SNX14: variants seen among roughly 807,000 people sequenced by gnomAD.
SNX14 encodes sorting nexin 14, also known as sorting nexin-14.
In SNX14, 93 loss-of-function variants were observed where a neutral mutation model predicts 133.8. The ratio of observed to expected loss-of-function variants is 0.70; its 90% CI spans 0.59 to 0.83. The LOEUF is 0.83. SNX14 is among the 40% of genes least tolerant of loss of function. SNX14 has a pLI of 0.00. For synonymous variants in SNX14, 368 were observed against 365.6 expected (o/e 1.01, Z -0.07); for missense variants, 945 against 1,094.9 (o/e 0.86, Z 1.93).
rs1195891528 is a variant in SNX14 at position 85,543,758 on chromosome 6, C to T, written c.1111G>A (p.Glu371Lys). Residue 371 changes from glutamate (E) to lysine (K), a missense_variant and splice_region_variant, in exon 13 of 29, where the codon GAA becomes AAA. By Grantham distance (56) the Glu-to-Lys change is moderately conservative (BLOSUM62 1). Transcript: ENST00000314673. The part of the protein sequence containing the change: ...HVLQFCLTVE[E>K]FNDRILRPEL... ...GGTCGTAAAATTCTATCATTAAATTCCTCTAACAAATGAGGGAATGAATAA... is the reference window on the plus strand; with the variant it reads ...GGTCGTAAAATTCTATCATTAAATTTCTCTAACAAATGAGGGAATGAATAA... The T allele has an allele frequency of 1.2e-5, 19 of 1,528,164 alleles. No homozygotes were observed. The highest frequency in any genetic ancestry group is 1.7e-5 in the Non-Finnish European group (19 of 1,134,584). The allele number at this position is 1,528,164 out of a possible 1,614,324, so 94.7% of individuals were successfully genotyped here. A position where few individuals can be genotyped will look rare whatever the true frequency, so the allele number is the denominator to read the frequency against.
intron 1 of SNX14, among the ~76,000 whole-genome samples, chr6:85,574,802 A>G (rs1796794893): frequency 6.6e-6 from 1 of 151,680 alleles, no homozygotes; most frequent in African/African-American, 2.4e-5. Context: ...CATAGTCTCT[A>G]CCTGCATGGA....
intron 1 of SNX14, among the ~76,000 whole-genome samples, chr6:85,578,708 C>T (rs949223201): frequency 6.6e-5 from 10 of 152,124 alleles, no homozygotes; most frequent in Admixed American, 1.3e-4. Context: ...AGAAAGTAAA[C>T]TAACAACAGA....
At chr6:85,519,079 T>TC (rs2127864401) in intron 21 of SNX14, among the ~76,000 whole-genome samples, 1 of 152,312 alleles carries the variant, frequency 6.6e-6, no homozygotes, top group South Asian at 2.1e-4. Flanking sequence ...GAAACTTGGA[T>TC]CATCCCTGAT....
At chr6:85,517,316 G>A (rs1249962537) in intron 23 of SNX14, among the ~76,000 whole-genome samples, 11 of 152,234 alleles carry the variant, frequency 7.2e-5, no homozygotes, top group Non-Finnish European at 1.3e-4. Flanking sequence ...GACAAGGAAT[G>A]TATCCTTATA....
At chr6:85,577,488 C>G (rs1024955547) in intron 1 of SNX14, among the ~76,000 whole-genome samples, 1 of 151,992 alleles carries the variant, frequency 6.6e-6, no homozygotes, top group African/African-American at 2.4e-5. Flanking sequence ...TGTTAAGTTT[C>G]AGATATTTTA....
chr6:85,540,247 C>A (rs1194173043), intron 15 of SNX14, among the ~76,000 whole-genome samples: 1 of 152,200 alleles, frequency 6.6e-6, no homozygotes, highest in Non-Finnish European at 1.5e-5. Flanking sequence ...CAGGCGTGAG[C>A]CATCACGCCC....
rs544346545 is a variant in SNX14 at position 85,543,189 on chromosome 6, C to T, written c.1382G>A (p.Ser461Asn). Residue 461 changes from serine (S) to asparagine (N), a missense_variant, in exon 14 of 29, where the codon AGT becomes AAT. Transcript: ENST00000314673. ...ENVFTPMFCH[S>N]DEYFRQLLRG... The stretch of plus-strand genomic sequence containing the variant: ...GTTAATATTTTGACTTACCTCATCA[C>T]TATGGCAGAACATAGGAGTAAATAC... The T allele has an allele frequency of 1.9e-6, 3 of 1,547,406 alleles. No homozygotes were observed. The highest frequency in any genetic ancestry group is 2.5e-5 in the South Asian group (2 of 79,142).
intron 1 of SNX14, among the ~76,000 whole-genome samples, chr6:85,580,427 A>G (rs1798679520): frequency 6.6e-6 from 1 of 152,140 alleles, no homozygotes; most frequent in Admixed American, 6.5e-5. Flanking sequence ...TGATGGCTAC[A>G]AAGAGAGACT....
At chr6:85,508,307 A>T in intron 26 of SNX14, 2 of 1,065,160 alleles carry the variant, frequency 1.9e-6, no homozygotes, top group Non-Finnish European at 1.1e-6. Context: ...GCAAACTCTG[A>T]GAAATGCTGC....
chr6:85,572,421 A>T lies in SNX14; in HGVS notation c.262-47T>A, dbSNP rs768743866. ...TGGTGGGGAGATCCATCTTTACATA[A>T]CATCTTTATTTAAAAGAATCAACTT... On this transcript the variant is annotated intron_variant, in intron 2 of 28. Transcript: ENST00000314673. The T allele has an allele frequency of 5.1e-6, 7 of 1,359,622 alleles. No homozygotes were observed. In the East Asian group the frequency reaches 6.9e-5, roughly 13 times the overall value. 84.2% of individuals were successfully genotyped at this position (1,359,622 alleles called of 1,614,324 possible). A position where few individuals can be genotyped will look rare whatever the true frequency, so the allele number is the denominator to read the frequency against.
chr6:85,591,405 C>G (rs1320875725), intron 1 of SNX14, among the ~76,000 whole-genome samples: 2 of 152,126 alleles, frequency 1.3e-5, no homozygotes, highest in African/African-American at 4.8e-5. Flanking sequence ...TTGCTGACTA[C>G]AGCAGTAACA....
chr6:85,508,029 G>A lies in SNX14; in HGVS notation c.2684C>T (p.Thr895Ile). 1.2e-6 allele frequency: 2 copies of A among 1,612,660 alleles called. No homozygotes were observed. The highest frequency in any genetic ancestry group is 1.7e-6 in the Non-Finnish European group (2 of 1,179,274). Reference sequence around the variant, plus strand: ...CAGAAGTCTGATGCTTTCATACTTGGTTTCTTCACCAATACACTTGACTAA... The same window carrying A: ...CAGAAGTCTGATGCTTTCATACTTGATTTCTTCACCAATACACTTGACTAA... The part of the protein sequence containing the change: ...DLLVKCIGEE[T>I]KYESIRLLFD... The change falls in exon 27 of 29, where the codon ACC (threonine) becomes ATC (isoleucine). Residue 895 changes from threonine to isoleucine, a missense_variant. Transcript: ENST00000314673.
At chr6:85,534,431 G>A (rs533515470) in intron 17 of SNX14, among the ~76,000 whole-genome samples, 11 of 152,332 alleles carry the variant, frequency 7.2e-5, no homozygotes, top group African/African-American at 2.6e-4. Flanking sequence ...AACTAGCACA[G>A]TGTCTTCTAA....
At chr6:85,528,771 TGTAG>T (rs1258360464) in intron 19 of SNX14, among the ~76,000 whole-genome samples, 2 of 152,158 alleles carry the variant, frequency 1.3e-5, no homozygotes. Context: ...AAAATCACAA[TGTAG>T]GCTGGGTGCA....
Position 85,547,377 on chromosome 6 carries a change from C to G in SNX14, c.933G>C (p.Pro311=), listed in dbSNP as rs760489450. ...GCAAGAATGGAACCAAAGGAGAAGC[C>G]GGTTCAGTTGCTTTTTCAGGCTTTG... The part of the protein sequence containing the change: ...DDSPPEKATE[P]ASPLVPFLQK... Residue 311 remains proline (P), a synonymous_variant, in exon 11 of 29, where the codon CCG becomes CCC. Coordinates refer to ENST00000314673, the MANE Select transcript of SNX14 (RefSeq NM_153816.6). 6 of 1,613,362 alleles carry G rather than the reference C, an allele frequency of 3.7e-6. No individual in the cohort carries two copies. The highest frequency in any genetic ancestry group is 5.1e-6 in the Non-Finnish European group (6 of 1,179,944).
intron 21 of SNX14, among the ~76,000 whole-genome samples, chr6:85,520,539 G>A (rs945756998): frequency 1.3e-5 from 2 of 151,638 alleles, no homozygotes; most frequent in Non-Finnish European, 2.9e-5. Flanking sequence ...TGTGTTTTTA[G>A]TAGAGACAGG....
chr6:85,553,299 C>T (rs964323436), intron 7 of SNX14, among the ~76,000 whole-genome samples: 1 of 152,138 alleles, frequency 6.6e-6, no homozygotes, highest in African/African-American at 2.4e-5. Context: ...TTATAAAAAA[C>T]GCATTTTAAA....
At chr6:85,563,913 C>A (rs891826961) in intron 6 of SNX14, among the ~76,000 whole-genome samples, 1 of 151,896 alleles carries the variant, frequency 6.6e-6, no homozygotes, top group Non-Finnish European at 1.5e-5. Context: ...TAATACTATC[C>A]CTCCCCCCTT....
Position 85,517,848 on chromosome 6 carries a change from TG to T in SNX14, c.2175del (p.Met726Ter). Reference protein sequence around the residue: ...KEKGQHLEPFIMNFINSCESP... With the variant: ...KEKGQHLEPFXMNFINSCESP... ...GACTCACAAGAATTAATGAAATTCA[TG>T]ATAAAAGGTTCCAAATGCTGACCTT... On this transcript the variant is annotated frameshift_variant, in exon 23 of 29. Transcript: ENST00000314673. LOFTEE classifies it high-confidence loss of function. 6.2e-7 allele frequency: 1 copy of T among 1,609,188 alleles called. No individual in the cohort carries two copies. The highest frequency in any genetic ancestry group is 8.5e-7 in the Non-Finnish European group (1 of 1,178,728).
Sources: gnomAD v4.1 joint callset for allele counts (sites outside exome capture counted in the v4.1 genomes callset) on GRCh38, gnomAD v4.1.1 for gene constraint, MANE v1.5 for transcripts, NCBI Gene and HGNC (gene_info 2026-07-23, HGNC 2026-07-21) for gene names.